FGF1: variants seen among roughly 807,000 people sequenced by gnomAD.
The protein encoded by FGF1 is fibroblast growth factor 1, also known as beta-endothelial cell growth factor.
A neutral mutation model predicts 13.4 loss-of-function variants in FGF1; 9 were observed. The observed-to-expected ratio is 0.67, with a 90% CI of 0.40 to 1.17. The LOEUF (loss-of-function observed/expected upper bound fraction) is 1.17, where lower values mean the gene tolerates loss of function less well. Among genes scored for constraint, FGF1 ranks in the 50% most tolerant of loss-of-function variants. FGF1 has a pLI of 0.01. For missense variants in FGF1, 156 were observed against 192.7 expected, an observed-to-expected ratio of 0.81 and a Z score of 1.13; for synonymous variants, 93 against 79.0, an observed-to-expected ratio of 1.18 and a Z score of -0.94.
Position 142,616,405 on chromosome 5 carries a change from C to A in FGF1, c.-34-2244G>T, listed in dbSNP as rs764763494. On this transcript the variant is annotated intron_variant, in intron 1 of 3. Transcript: ENST00000337706. Reference sequence around the variant, plus strand: ...TTTAAAGTCAGATCATCCCAAATGTCCCCTCCATCCCATATGGTGAAACTT... The same window carrying A: ...TTTAAAGTCAGATCATCCCAAATGTACCCTCCATCCCATATGGTGAAACTT... Among the ~76,000 whole-genome samples the A allele has an allele frequency of 7.2e-4, 109 of 152,208 alleles. 1 individual carries two copies. Among genetic ancestry groups the A allele is most frequent in the Admixed American group, 1.6e-3 (25 of 15,286 alleles).
At position 142,640,220 on chromosome 5, in the gene FGF1, T is replaced by C. The variant is rs185944461; in HGVS notation, c.-34-26059A>G. Reference sequence around the variant, plus strand: ...AACAAATATGTATTAAATACTGTGATTTATCAGGCACTGGGAACACAGGGG... The same window carrying C: ...AACAAATATGTATTAAATACTGTGACTTATCAGGCACTGGGAACACAGGGG... On this transcript the variant is annotated intron_variant, in intron 1 of 3. Transcript: ENST00000337706. 5.3e-5 allele frequency among the ~76,000 whole-genome samples: 8 copies of C among 152,104 alleles called. No homozygotes were observed. The East Asian group carries it at 1.5e-3, about 29-fold the overall frequency.
intron 1 of FGF1, among the ~76,000 whole-genome samples, chr5:142,639,834 C>T (rs1764870831): frequency 1.3e-5 from 2 of 151,874 alleles, no homozygotes; most frequent in African/African-American, 4.9e-5. Context: ...CATCATATTC[C>T]CTAAATATGT....
rs111393929 is a variant in FGF1, at chr5:142,655,790, G to C, written c.-35+30167C>G. Among the ~76,000 whole-genome samples the C allele has an allele frequency of 5.4e-3, 818 of 152,338 alleles. 6 individuals carry two copies. Among genetic ancestry groups the C allele is most frequent in the African/African-American group, 0.018 (738 of 41,580 alleles). On this transcript the variant is annotated intron_variant, in intron 1 of 3. Transcript: ENST00000337706. ...ATATTGGAACGGGAGAGCCAGAGCA[G>C]CTTTCCAAACACTGAAAACCCGACT...
rs2152061509 is a variant in FGF1 at position 142,685,946 on chromosome 5, C to T, written c.-35+11G>A. 6.6e-6 allele frequency: 1 copy of T among 152,428 alleles called. No individual in the cohort carries two copies. Among genetic ancestry groups the T allele is most frequent in the East Asian group, 1.9e-4 (1 of 5,182 alleles). 9.4% of individuals were successfully genotyped at this position (152,428 alleles called of 1,614,324 possible). ...TGCTCTGTTTCCCAGATCAGATGCC[C>T]TGATTCTTACCTAAAGAGCTTGTAG... On this transcript the variant is annotated intron_variant, in intron 1 of 3. Coordinates refer to ENST00000337706, the MANE Select transcript of FGF1 (RefSeq NM_000800.5).
At position 142,619,338 on chromosome 5, in the gene FGF1, C is replaced by T. The variant is rs1343496372; in HGVS notation, c.-34-5177G>A. Among the ~76,000 whole-genome samples, 35 of 152,106 alleles carry T rather than the reference C, an allele frequency of 2.3e-4. 1 individual carries two copies. Among genetic ancestry groups the T allele is most frequent in the Admixed American group, 2.3e-3 (35 of 15,274 alleles). ...AAGCCACTGAAGGTAGATGTGTAGA[C>T]AGACACCTGCTAAGGTGATAATTGG... On this transcript the variant is annotated intron_variant, in intron 1 of 3. Coordinates refer to ENST00000337706, the MANE Select transcript of FGF1 (RefSeq NM_000800.5).
intron 1 of FGF1, among the ~76,000 whole-genome samples, chr5:142,648,689 C>CAAAAAAAA (rs11451715): frequency 5.4e-3 from 356 of 66,132 alleles, no homozygotes; most frequent in East Asian, 0.01. Flanking sequence ...CCCCACCAAC[C>CAAAAAAAA]AAAAAAAAAA....
At chr5:142,676,267 T>C (rs1167137701) in intron 1 of FGF1, among the ~76,000 whole-genome samples, 1 of 152,190 alleles carries the variant, frequency 6.6e-6, no homozygotes, top group Non-Finnish European at 1.5e-5. Flanking sequence ...CAACAATCAT[T>C]CATATCTTAT....
chr5:142,678,506 T>C (rs1347476062), intron 1 of FGF1, among the ~76,000 whole-genome samples: 1 of 152,116 alleles, frequency 6.6e-6, no homozygotes, highest in Non-Finnish European at 1.5e-5. Flanking sequence ...GGTGACATCA[T>C]GAAAAAGGCA....
chr5:142,652,799 G>A (rs768928194), intron 1 of FGF1, among the ~76,000 whole-genome samples: 20 of 152,208 alleles, frequency 1.3e-4, no homozygotes, highest in East Asian at 3.8e-4. Context: ...TAGTGCACAC[G>A]TGTGTCCACG....
intron 1 of FGF1, among the ~76,000 whole-genome samples, chr5:142,685,156 G>A (rs1260314912): frequency 5.3e-5 from 8 of 152,292 alleles, no homozygotes; most frequent in South Asian, 4.1e-4. Context: ...ATGTAATTGT[G>A]ATGTGGGTGT....
At chr5:142,639,771 A>G (rs1372140287) in intron 1 of FGF1, among the ~76,000 whole-genome samples, 1 of 152,042 alleles carries the variant, frequency 6.6e-6, no homozygotes, top group Admixed American at 6.5e-5. Flanking sequence ...GGATATGTTA[A>G]CCAGCTTGAT....
chr5:142,649,318 A>G (rs184171862), intron 1 of FGF1, among the ~76,000 whole-genome samples: 112 of 152,132 alleles, frequency 7.4e-4, no homozygotes, highest in African/African-American at 2.6e-3. Context: ...TCACTTTCAT[A>G]CATTATTTAT....
intron 1 of FGF1, among the ~76,000 whole-genome samples, chr5:142,681,095 G>C (rs1773615680): frequency 1.3e-5 from 2 of 152,232 alleles, no homozygotes; most frequent in South Asian, 4.1e-4. Flanking sequence ...CCTGGTGCAA[G>C]GTAGGCACGC....
At chr5:142,684,558 C>G (rs926520590) in intron 1 of FGF1, among the ~76,000 whole-genome samples, 1 of 152,230 alleles carries the variant, frequency 6.6e-6, no homozygotes. Context: ...ATCTTGCCTT[C>G]AGATCAACAT....
chr5:142,637,824 A>G (rs1016435880), intron 1 of FGF1, among the ~76,000 whole-genome samples: 3 of 152,004 alleles, frequency 2.0e-5, no homozygotes, highest in African/African-American at 7.3e-5. Flanking sequence ...GTAGTTTATA[A>G]CATCTACAAA....
At chr5:142,693,792 C>A (rs766795525) in intron 2 of FGF1, among the ~76,000 whole-genome samples, 5 of 152,170 alleles carry the variant, frequency 3.3e-5, no homozygotes, top group African/African-American at 4.8e-5. Context: ...ACAACATGAG[C>A]ATTTTTCCTT....
intron 1 of FGF1, among the ~76,000 whole-genome samples, chr5:142,661,180 C>CT (rs1356939913): frequency 6.6e-6 from 1 of 152,226 alleles, no homozygotes; most frequent in African/African-American, 2.4e-5. Context: ...AGGCATTGTG[C>CT]TGGACACCAG....
chr5:142,669,964 C>A (rs1011997259), intron 1 of FGF1, among the ~76,000 whole-genome samples: 14 of 152,120 alleles, frequency 9.2e-5, no homozygotes, highest in African/African-American at 3.1e-4. Flanking sequence ...AGGATCACAG[C>A]CTTCAAGGGA....
chr5:142,686,691 C>G (rs1484391836), upstream of FGF1, among the ~76,000 whole-genome samples: 1 of 151,962 alleles, frequency 6.6e-6, no homozygotes, highest in African/African-American at 2.4e-5. Context: ...GTGTGTGTGT[C>G]TGTCTGTGCC....
Sources: gnomAD v4.1 joint callset for allele counts (sites outside exome capture counted in the v4.1 genomes callset) on GRCh38, gnomAD v4.1.1 for gene constraint, MANE v1.5 for transcripts, NCBI Gene and HGNC (gene_info 2026-07-23, HGNC 2026-07-21) for gene names.